The following MDGA2 variants were observed in gnomAD, a reference collection of about 807,000 sequenced individuals.
The protein encoded by MDGA2 is MAM domain containing glycosylphosphatidylinositol anchor 2.
In MDGA2, 40 loss-of-function variants were observed where a neutral mutation model predicts 117.8. The observed-to-expected ratio is 0.34, with a 90% CI of 0.26 to 0.44. The LOEUF is 0.44. MDGA2 is among the 20% of genes least tolerant of loss of function. MDGA2 has a pLI of 1.00. For synonymous variants in MDGA2, 452 were observed against 439.0 expected (o/e 1.03, Z -0.37); for missense variants, 1,123 against 1,250.6 (o/e 0.90, Z 1.54).
intron 7 of MDGA2, chr14:47,058,609 C>G: frequency 1.0e-6 from 1 of 984,690 alleles, no homozygotes; most frequent in African/African-American, 1.7e-5. Flanking sequence ...CTTTAGTCTT[C>G]AATAGTATTG....
rs78404512 is a variant in MDGA2, at chr14:46,905,047, T to C, written c.2238+14965A>G. Among the ~76,000 whole-genome samples the C allele has an allele frequency of 2.0e-3, 311 of 152,318 alleles. 7 individuals carry two copies. The East Asian group carries it at 0.034, about 17-fold the overall frequency. The stretch of plus-strand genomic sequence containing the variant: ...AATGGAACATGCAGGGACAGCCCTA[T>C]TCAAACCAGACAACCAGGCACATTT... On this transcript the variant is annotated intron_variant, in intron 10 of 16. Transcript: ENST00000399232.
intron 2 of MDGA2, among the ~76,000 whole-genome samples, chr14:47,296,145 A>C (rs7151248): frequency 2.6e-5 from 4 of 152,024 alleles, no homozygotes; most frequent in Non-Finnish European, 5.9e-5. Flanking sequence ...AGAGAAGAAA[A>C]AGACAAAGAG....
intron 1 of MDGA2, among the ~76,000 whole-genome samples, chr14:47,621,362 A>AT (rs922155821): frequency 1.3e-4 from 20 of 149,798 alleles, no homozygotes; most frequent in East Asian, 9.8e-4. Context: ...TTAAAAAAAA[A>AT]TTTTTTTTTT....
At chr14:47,383,439 T>C (rs1891681187) in intron 1 of MDGA2, among the ~76,000 whole-genome samples, 1 of 152,160 alleles carries the variant, frequency 6.6e-6, no homozygotes, top group Non-Finnish European at 1.5e-5. Flanking sequence ...CACTACTGTA[T>C]GTAATATGTG....
At chr14:46,890,989 G>T (rs1323407575) in intron 10 of MDGA2, among the ~76,000 whole-genome samples, 3 of 151,952 alleles carry the variant, frequency 2.0e-5, no homozygotes, top group East Asian at 1.9e-4. Context: ...AAGTTCTTTA[G>T]TAACTTGAAA....
At chr14:47,298,120 T>C (rs1166245282) in intron 2 of MDGA2, among the ~76,000 whole-genome samples, 1 of 152,120 alleles carries the variant, frequency 6.6e-6, no homozygotes, top group Non-Finnish European at 1.5e-5. Context: ...ATCCCTAATA[T>C]ATAAAAAAGA....
rs373260643 is a variant in MDGA2, at chr14:47,343,303, G to A, written c.281-41753C>T. ...GGCAATGTTAACTAAGTTCTAAGTA[G>A]TAATGAGACGCTGTGAGTCTATTAT... On this transcript the variant is annotated intron_variant, in intron 1 of 16. Coordinates refer to ENST00000399232, the MANE Select transcript of MDGA2 (RefSeq NM_001113498.3). 4.9e-5 allele frequency: 54 copies of A among 1,091,704 alleles called. 1 individual carries two copies. In the East Asian group the frequency reaches 1.1e-3, roughly 22 times the overall value. 67.6% of individuals were successfully genotyped at this position (1,091,704 alleles called of 1,614,324 possible).
chr14:47,131,641 A>C (rs1369058822), intron 5 of MDGA2, 73 bp downstream of exon 5: 2 of 1,263,518 alleles, frequency 1.6e-6, no homozygotes, highest in Admixed American at 4.6e-5. Context: ...TTTGGTCTTT[A>C]AAAAAGTTAA....
intron 1 of MDGA2, among the ~76,000 whole-genome samples, chr14:47,337,059 C>A (rs1890481716): frequency 6.6e-6 from 1 of 151,988 alleles, no homozygotes; most frequent in Admixed American, 6.6e-5. Context: ...AACAAAACTA[C>A]AAATATTCAT....
intron 1 of MDGA2, among the ~76,000 whole-genome samples, chr14:47,593,900 T>C (rs1235297956): frequency 6.6e-6 from 1 of 152,088 alleles, no homozygotes; most frequent in Non-Finnish European, 1.5e-5. Context: ...TAACATAAAA[T>C]ACTTGTTAAA....
chr14:47,443,416 A>C (rs1038819053), intron 1 of MDGA2, among the ~76,000 whole-genome samples: 27 of 152,128 alleles, frequency 1.8e-4, no homozygotes, highest in African/African-American at 6.3e-4. Context: ...GATATGGAGA[A>C]CTACTATATG....
At chr14:46,962,646 G>A (rs1484822955) in intron 8 of MDGA2, among the ~76,000 whole-genome samples, 3 of 120,196 alleles carry the variant, frequency 2.5e-5, no homozygotes, top group Non-Finnish European at 4.7e-5. Context: ...GATTTTAGTT[G>A]TTTACATTGG....
At chr14:47,568,835 A>AT (rs779301317) in intron 1 of MDGA2, among the ~76,000 whole-genome samples, 20 of 151,206 alleles carry the variant, frequency 1.3e-4, no homozygotes, top group South Asian at 4.2e-4. Context: ...TGTACTTCCA[A>AT]TTTTTTTTTA....
intron 2 of MDGA2, among the ~76,000 whole-genome samples, chr14:47,250,089 A>AT (rs1418503349): frequency 6.6e-6 from 1 of 152,222 alleles, no homozygotes; most frequent in African/African-American, 2.4e-5. Context: ...GAAAGGTCTT[A>AT]ATTCATTGTA....
At chr14:47,283,330 T>C (rs1362824332) in intron 2 of MDGA2, among the ~76,000 whole-genome samples, 4 of 152,216 alleles carry the variant, frequency 2.6e-5, no homozygotes, top group Non-Finnish European at 5.9e-5. Context: ...AGGGATAGCA[T>C]GAATACTGGT....
chr14:47,282,728 A>G (rs1888542042), intron 2 of MDGA2, among the ~76,000 whole-genome samples: 1 of 151,738 alleles, frequency 6.6e-6, no homozygotes, highest in Admixed American at 6.6e-5. Context: ...AAAACAAAAA[A>G]CAGGTAATCA....
chr14:47,653,050 C>T (rs1280541225), intron 1 of MDGA2, among the ~76,000 whole-genome samples: 2 of 150,602 alleles, frequency 1.3e-5, no homozygotes. Context: ...ACTCATGGAG[C>T]CACTGGTGGA....
At chr14:47,302,504 G>T (rs1889317014) in intron 1 of MDGA2, among the ~76,000 whole-genome samples, 1 of 152,114 alleles carries the variant, frequency 6.6e-6, no homozygotes, top group Non-Finnish European at 1.5e-5. Context: ...AAAGGACAGT[G>T]ATCTCAAGAA....
At chr14:47,569,138 A>G (rs1238901662) in intron 1 of MDGA2, among the ~76,000 whole-genome samples, 2 of 152,146 alleles carry the variant, frequency 1.3e-5, no homozygotes, top group Admixed American at 1.3e-4. Flanking sequence ...TGTCAGCACC[A>G]TAAGACAGGG....
Sources: allele counts gnomAD v4.1 joint callset (sites outside exome capture counted in the v4.1 genomes callset), GRCh38; gene constraint gnomAD v4.1.1; transcripts MANE v1.5; gene names NCBI Gene and HGNC (gene_info 2026-07-23, HGNC 2026-07-21).